The following SPIN1 variants were observed in gnomAD, a reference collection of about 807,000 sequenced individuals.
The protein encoded by SPIN1 is spindlin-1.
Under a neutral mutation model 26.0 loss-of-function variants are expected in SPIN1, and 3 were observed. The observed-to-expected ratio is 0.12, with a 90% CI of 0.05 to 0.30. The LOEUF is 0.30. SPIN1 is among the 10% of genes least tolerant of loss of function. The pLI is 1.00. For synonymous variants in SPIN1, 101 were observed against 116.5 expected (o/e 0.87, Z 0.86); for missense variants, 126 against 333.4 (o/e 0.38, Z 4.84).
At chr9:88,469,136 T>C (rs1169655252) in intron 5 of SPIN1, among the ~76,000 whole-genome samples, 1 of 151,924 alleles carries the variant, frequency 6.6e-6, no homozygotes, top group African/African-American at 2.4e-5. Context: ...GTGGATATGG[T>C]GGTTTTGGAG....
chr9:88,467,051 G>A (rs1456907373), intron 4 of SPIN1, among the ~76,000 whole-genome samples: 5 of 152,074 alleles, frequency 3.3e-5, no homozygotes, highest in Admixed American at 3.3e-4. Context: ...TTGTTTGTTT[G>A]TTTGTTTGTT....
At chr9:88,444,098 G>C (rs1444938641) in intron 2 of SPIN1, among the ~76,000 whole-genome samples, 1 of 152,104 alleles carries the variant, frequency 6.6e-6, no homozygotes, top group Non-Finnish European at 1.5e-5. Context: ...ACTAGTCTAA[G>C]AAGTTGTTGA....
chr9:88,462,375 C>T, intron 3 of SPIN1, 121 bp from the exon 4 acceptor site: 2 of 1,371,824 alleles, frequency 1.5e-6, no homozygotes, highest in South Asian at 2.8e-5. Context: ...ATGTGGCAAA[C>T]ATGAGTTTGT....
At chr9:88,441,556 G>C (rs1319001201) in intron 2 of SPIN1, among the ~76,000 whole-genome samples, 1 of 151,732 alleles carries the variant, frequency 6.6e-6, no homozygotes, top group Non-Finnish European at 1.5e-5. Context: ...CCAGGAGTTC[G>C]AGACCAGTCT....
intron 3 of SPIN1, among the ~76,000 whole-genome samples, chr9:88,454,005 T>C (rs1010673287): frequency 2.0e-5 from 3 of 152,222 alleles, no homozygotes; most frequent in Non-Finnish European, 2.9e-5. Context: ...TGATGCTAAA[T>C]ACCTTTCGAT....
At chr9:88,395,728 C>T (rs773108616) in intron 1 of SPIN1, among the ~76,000 whole-genome samples, 1 of 151,858 alleles carries the variant, frequency 6.6e-6, no homozygotes, top group Non-Finnish European at 1.5e-5. Flanking sequence ...GGATTACAGG[C>T]GTCAGGCATC....
Position 88,475,425 on chromosome 9 carries a change from A to C in SPIN1, c.*148A>C. 1 of 706,594 alleles carries C rather than the reference A, an allele frequency of 1.4e-6. No homozygotes were observed. Among genetic ancestry groups the C allele is most frequent in the Non-Finnish European group, 2.3e-6 (1 of 443,120 alleles). 43.8% of individuals were successfully genotyped at this position (706,594 alleles called of 1,614,324 possible). A position where few individuals can be genotyped will look rare whatever the true frequency, so the allele number is the denominator to read the frequency against. On this transcript the variant is annotated 3_prime_UTR_variant, in exon 6 of 6. Coordinates refer to ENST00000375859, the MANE Select transcript of SPIN1 (RefSeq NM_006717.3). ...CAGCAGAACTGGTTTTGTTCTGAAT[A>C]GTACAGATTGATGTGAACACAAAGC... is the stretch of plus-strand genomic sequence containing the variant.
At chr9:88,422,440 A>T (rs1435670851) in intron 1 of SPIN1, among the ~76,000 whole-genome samples, 1 of 152,192 alleles carries the variant, frequency 6.6e-6, no homozygotes, top group African/African-American at 2.4e-5. Context: ...TTTTCCAGTC[A>T]AAGAAGAGTG....
chr9:88,431,900 GT>G (rs1404189055), intron 2 of SPIN1, among the ~76,000 whole-genome samples: 1 of 152,136 alleles, frequency 6.6e-6, no homozygotes, highest in East Asian at 1.9e-4. Flanking sequence ...AATTAGCTGG[GT>G]GTGATGGTGT....
chr9:88,396,220 CAG>C (rs1216340508), intron 1 of SPIN1, among the ~76,000 whole-genome samples: 1 of 150,688 alleles, frequency 6.6e-6, no homozygotes, highest in African/African-American at 2.4e-5. Flanking sequence ...GCCTGGGTGA[CAG>C]AGTGAGACTC....
intron 2 of SPIN1, among the ~76,000 whole-genome samples, chr9:88,433,538 T>C (rs1446054428): frequency 1.3e-5 from 2 of 152,228 alleles, no homozygotes; most frequent in African/African-American, 4.8e-5. Flanking sequence ...GATGGCAAGC[T>C]GTCTGTGAGG....
At chr9:88,451,718 G>A (rs1297900665) in intron 3 of SPIN1, among the ~76,000 whole-genome samples, 8 of 152,092 alleles carry the variant, frequency 5.3e-5, no homozygotes, top group Non-Finnish European at 1.2e-4. Flanking sequence ...GCCGCAGCAC[G>A]CCCAGCTAAT....
At chr9:88,414,122 T>C (rs1362585342) in intron 1 of SPIN1, among the ~76,000 whole-genome samples, 2 of 152,150 alleles carry the variant, frequency 1.3e-5, no homozygotes, top group African/African-American at 2.4e-5. Flanking sequence ...GTTCATGCCC[T>C]CCTGTGGAGA....
chr9:88,457,525 C>T (rs1828494388), intron 3 of SPIN1, among the ~76,000 whole-genome samples: 1 of 151,796 alleles, frequency 6.6e-6, no homozygotes, highest in Non-Finnish European at 1.5e-5. Context: ...GTGAGACTCT[C>T]TCAAAAAATA....
intron 2 of SPIN1, among the ~76,000 whole-genome samples, chr9:88,446,431 A>C (rs1310126515): frequency 4.0e-5 from 5 of 124,060 alleles, no homozygotes; most frequent in Non-Finnish European, 8.2e-5. Context: ...TTTTTGACGG[A>C]GGTTTGCTCT....
intron 1 of SPIN1, among the ~76,000 whole-genome samples, chr9:88,412,902 T>G (rs554585693): frequency 1.3e-5 from 2 of 152,168 alleles, no homozygotes; most frequent in South Asian, 2.1e-4. Context: ...CAGGCTGGTC[T>G]CGAACTCCTA....
chr9:88,412,109 G>A (rs1482570371), intron 1 of SPIN1, among the ~76,000 whole-genome samples: 1 of 151,956 alleles, frequency 6.6e-6, no homozygotes, highest in Admixed American at 6.6e-5. Context: ...AACCCAGGAG[G>A]CGGAGCTTGC....
At chr9:88,433,068 T>C (rs1026590610) in intron 2 of SPIN1, among the ~76,000 whole-genome samples, 2 of 151,974 alleles carry the variant, frequency 1.3e-5, no homozygotes, top group East Asian at 3.9e-4. Flanking sequence ...CTTATGTTTC[T>C]GGGGATATAA....
chr9:88,437,327 A>C (rs909822361), intron 2 of SPIN1, among the ~76,000 whole-genome samples: 3 of 151,588 alleles, frequency 2.0e-5, no homozygotes, highest in African/African-American at 7.3e-5. Flanking sequence ...GCAAAACCCT[A>C]TCTCTACAAA....
Sources: gnomAD v4.1 joint callset for allele counts (sites outside exome capture counted in the v4.1 genomes callset) on GRCh38, gnomAD v4.1.1 for gene constraint, MANE v1.5 for transcripts, NCBI Gene and HGNC (gene_info 2026-07-23, HGNC 2026-07-21) for gene names.